Variants in TMEM135 observed in about 807,000 individuals in gnomAD.
TMEM135 encodes the protein transmembrane protein 135.
Under a neutral mutation model 60.3 loss-of-function variants are expected in TMEM135, and 30 were observed. That is an observed-to-expected ratio of 0.50 (90% CI 0.37 to 0.68). TMEM135 has a LOEUF of 0.68. TMEM135 is among the 30% of genes least tolerant of loss of function. The probability of loss-of-function intolerance (pLI) is 0.00; values close to 1 mark genes in which losing one functional copy is unlikely to be tolerated. For missense variants in TMEM135, 468 were observed against 548.8 expected (o/e 0.85, Z 1.47); for synonymous variants, 190 against 186.7 (o/e 1.02, Z -0.14).
At chr11:87,232,591 GAA>G (rs1264480153) in intron 5 of TMEM135, among the ~76,000 whole-genome samples, 1 of 152,006 alleles carries the variant, frequency 6.6e-6, no homozygotes, top group Non-Finnish European at 1.5e-5. Context: ...AAAACAAAAT[GAA>G]AAAACTTTTT....
At chr11:87,217,116 G>A (rs1404472702) in intron 5 of TMEM135, among the ~76,000 whole-genome samples, 1 of 152,002 alleles carries the variant, frequency 6.6e-6, no homozygotes, top group Non-Finnish European at 1.5e-5. Flanking sequence ...TAAATAAGAG[G>A]GTATGTTTTT....
chr11:87,095,584 A>C (rs1383804537), intron 4 of TMEM135: 1 of 205,682 alleles, frequency 4.9e-6, no homozygotes, highest in Non-Finnish European at 1.0e-5. Flanking sequence ...TGAATCTCAG[A>C]TGGCCTGCCT....
intron 4 of TMEM135, among the ~76,000 whole-genome samples, chr11:87,098,697 A>G: frequency 6.6e-6 from 1 of 151,702 alleles, no homozygotes; most frequent in South Asian, 2.1e-4. Flanking sequence ...ATATATATAT[A>G]TATTTTTTTG....
intron 5 of TMEM135, among the ~76,000 whole-genome samples, chr11:87,214,978 T>C (rs1940464790): frequency 1.3e-5 from 2 of 152,174 alleles, no homozygotes; most frequent in African/African-American, 2.4e-5. Flanking sequence ...TTGTATTGAA[T>C]GTTTAAGATC....
At chr11:87,059,092 C>A (rs1343746172) in intron 1 of TMEM135, among the ~76,000 whole-genome samples, 2 of 151,946 alleles carry the variant, frequency 1.3e-5, no homozygotes, top group South Asian at 4.2e-4. Flanking sequence ...CACCCACCAT[C>A]ATGACTGGCT....
At chr11:87,291,443 C>G (rs1453046463) in intron 6 of TMEM135, among the ~76,000 whole-genome samples, 1 of 150,248 alleles carries the variant, frequency 6.7e-6, no homozygotes, top group African/African-American at 2.4e-5. Flanking sequence ...TGACCACAAT[C>G]ATCGTTCCCC....
chr11:87,196,301 G>A (rs907657659), intron 5 of TMEM135, among the ~76,000 whole-genome samples: 1 of 151,734 alleles, frequency 6.6e-6, no homozygotes, highest in East Asian at 1.9e-4. Flanking sequence ...AAATATTGCA[G>A]GTATATTCAT....
At position 87,119,077 on chromosome 11, in the gene TMEM135, A is replaced by G. The variant is rs144980401; in HGVS notation, c.396+27682A>G. 6.5e-3 allele frequency among the ~76,000 whole-genome samples: 985 copies of G among 152,336 alleles called. 5 individuals are homozygous for G. The highest frequency in any genetic ancestry group is 0.018 in the African/African-American group (766 of 41,584). On this transcript the variant is annotated intron_variant, in intron 4 of 14. Transcript: ENST00000305494. ...TTGAGAACTTTCCTTTGCATTTACA[A>G]CTTGGCTCACTGGAACAAGAAGCCT...
At chr11:87,318,352 C>A in intron 13 of TMEM135, 117 bp downstream of exon 13, 2 of 805,336 alleles carry the variant, frequency 2.5e-6, no homozygotes, top group Non-Finnish European at 4.0e-6. Flanking sequence ...ACATTTTAAG[C>A]TTCTTTTTTG....
chr11:87,044,724 A>C (rs1421952838), intron 1 of TMEM135, among the ~76,000 whole-genome samples: 2 of 150,782 alleles, frequency 1.3e-5, no homozygotes, highest in Admixed American at 1.3e-4. Flanking sequence ...AATCTCGGCT[A>C]ACTGCAAGTT....
chr11:87,064,217 G>A (rs1165588255), intron 1 of TMEM135, among the ~76,000 whole-genome samples: 1 of 150,730 alleles, frequency 6.6e-6, no homozygotes, highest in African/African-American at 2.4e-5. Flanking sequence ...GATGACTAAT[G>A]GTGCTGGTAG....
intron 1 of TMEM135, among the ~76,000 whole-genome samples, chr11:87,065,654 A>G (rs1430836042): frequency 6.6e-6 from 1 of 152,168 alleles, no homozygotes; most frequent in Non-Finnish European, 1.5e-5. Flanking sequence ...TAATAGAGAA[A>G]AAGTTTGAAT....
intron 6 of TMEM135, among the ~76,000 whole-genome samples, chr11:87,264,393 A>G (rs1263305741): frequency 1.3e-5 from 2 of 151,598 alleles, no homozygotes; most frequent in Non-Finnish European, 3.0e-5. Context: ...ATGGCACCTA[A>G]CATTATTAGT....
intron 4 of TMEM135, among the ~76,000 whole-genome samples, chr11:87,111,977 A>C (rs1857763245): frequency 6.6e-6 from 1 of 152,188 alleles, no homozygotes; most frequent in Admixed American, 6.5e-5. Flanking sequence ...ATTGTAGCCT[A>C]TCTAAATGTT....
chr11:87,250,698 G>GA (rs1439615825), intron 6 of TMEM135, among the ~76,000 whole-genome samples: 6 of 151,924 alleles, frequency 3.9e-5, no homozygotes, highest in African/African-American at 1.5e-4. Context: ...TATGGTCTTA[G>GA]GTTCTTTTTA....
chr11:87,157,430 T>C lies in TMEM135; in HGVS notation c.462+24T>C, dbSNP rs766878744. ...AAGTAAGATGAGAATTTTGATATAGTTATTAGTTGTTAATTTATAGTTTGC... is the reference window on the plus strand; with the variant it reads ...AAGTAAGATGAGAATTTTGATATAGCTATTAGTTGTTAATTTATAGTTTGC... On this transcript the variant is annotated intron_variant, in intron 5 of 14. Coordinates refer to ENST00000305494, the MANE Select transcript of TMEM135 (RefSeq NM_022918.4). The C allele has an allele frequency of 1.1e-5, 17 of 1,586,892 alleles. No homozygotes were observed. The South Asian group carries it at 1.9e-4, about 18-fold the overall frequency.
chr11:87,046,556 G>A (rs538428107), intron 1 of TMEM135, among the ~76,000 whole-genome samples: 3 of 152,150 alleles, frequency 2.0e-5, no homozygotes, highest in Non-Finnish European at 4.4e-5. Context: ...GGCTTGCTTT[G>A]GGACATACTG....
intron 7 of TMEM135, 92 bp from the exon 8 acceptor site, chr11:87,302,204 C>A: frequency 2.3e-6 from 3 of 1,305,596 alleles, no homozygotes; most frequent in Non-Finnish European, 3.2e-6. Context: ...AAATACTTGC[C>A]AAAGCGTATT....
chr11:87,282,411 C>T (rs572241657), intron 6 of TMEM135, among the ~76,000 whole-genome samples: 2 of 152,198 alleles, frequency 1.3e-5, no homozygotes, highest in African/African-American at 2.4e-5. Flanking sequence ...ATTACAGGCA[C>T]GAGCCACCAT....
Sources: allele counts gnomAD v4.1 joint callset (sites outside exome capture counted in the v4.1 genomes callset), GRCh38; gene constraint gnomAD v4.1.1; transcripts MANE v1.5; gene names NCBI Gene and HGNC (gene_info 2026-07-23, HGNC 2026-07-21).